Variants in ENC1 observed in about 807,000 individuals in gnomAD.
The protein encoded by ENC1 is ectoderm-neural cortex protein 1.
ENC1 carries 19 observed loss-of-function variants against 40.9 expected under a neutral mutation model. The observed-to-expected ratio is 0.46, with a 90% CI of 0.32 to 0.68. The LOEUF (loss-of-function observed/expected upper bound fraction) is 0.68. Among genes scored for constraint, ENC1 ranks in the 30% least tolerant of loss-of-function variants. ENC1 has a pLI of 0.03. For synonymous variants in ENC1, 285 were observed against 291.1 expected (o/e 0.98, Z 0.21); for missense variants, 479 against 737.5 (o/e 0.65, Z 4.06).
intron 1 of ENC1, chr5:74,637,674 G>T (rs1436450386): frequency 6.6e-6 from 1 of 152,148 alleles, no homozygotes; most frequent in Non-Finnish European, 1.5e-5. Flanking sequence ...CACTAGGACT[G>T]TTCCTGTATA....
Position 74,635,031 on chromosome 5 carries a change from T to C in ENC1, c.1455A>G (p.Thr485=). 1 of 1,614,236 alleles carries C rather than the reference T, an allele frequency of 6.2e-7. No individual in the cohort carries two copies. The highest frequency in any genetic ancestry group is 8.5e-7 in the Non-Finnish European group (1 of 1,180,024). The change falls in exon 2 of 3, where the codon ACA becomes ACG. Residue 485 remains threonine (T), a synonymous_variant. Coordinates refer to ENST00000302351, the MANE Select transcript of ENC1 (RefSeq NM_003633.4). The surrounding 1 kb of genome is among the most constrained non-coding windows in gnomAD (Gnocchi z 5.5). ...TCTGGTTCCCCAGCACAGCTGCTGCTGTGTAACGCCAGGGCTGGGGACAGG... is the reference window on the plus strand; with the variant it reads ...TCTGGTTCCCCAGCACAGCTGCTGCCGTGTAACGCCAGGGCTGGGGACAGG... ...PATCPQPWRY[T]AAAVLGNQIF...
chr5:74,628,210 C>T lies in ENC1; in HGVS notation c.*1815G>A, dbSNP rs535115796. 5.4e-4 allele frequency: 83 copies of T among 152,796 alleles called. No homozygotes were observed. The highest frequency in any genetic ancestry group is 1.2e-3 in the South Asian group (6 of 4,826). 9.5% of individuals were successfully genotyped at this position (152,796 alleles called of 1,614,324 possible). A position where few individuals can be genotyped will look rare whatever the true frequency, so the allele number is the denominator to read the frequency against. ...CAGCTCATTTATTTAGGCCCAACTA[C>T]AGCCCACTCATTCATGGCATGGACG... On this transcript the variant is annotated 3_prime_UTR_variant, in exon 3 of 3. Coordinates refer to ENST00000302351, the MANE Select transcript of ENC1 (RefSeq NM_003633.4).
At chr5:74,631,833 A>G (rs901457109) in intron 2 of ENC1, among the ~76,000 whole-genome samples, 3 of 152,228 alleles carry the variant, frequency 2.0e-5, no homozygotes, top group Non-Finnish European at 4.4e-5. Flanking sequence ...AGTGAAGTCT[A>G]AAGATAACAA....
In ENC1 at chr5:74,635,724, T is replaced by A. The variant is rs1029742855; in HGVS notation, c.762A>T (p.Glu254Asp). ...IYLMENVAME[E>D]LITKQRKSKE... is the part of the protein sequence containing the mutation. ...TACTCTTTCTCTGCTTGGTGATGAG[T>A]TCCTCCATGGCCACATTCTCCATGA... The change falls in exon 2 of 3, where the codon GAA becomes GAT. Residue 254 changes from glutamate (E) to aspartate (D), a missense_variant. Glu to Asp is a conservative substitution (Grantham distance 45). Transcript: ENST00000302351. The surrounding 1 kb of genome is among the most constrained non-coding windows in gnomAD (Gnocchi z 5.5). 1.2e-6 allele frequency: 2 copies of A among 1,614,096 alleles called. No individual in the cohort carries two copies. Among genetic ancestry groups the A allele is most frequent in the Non-Finnish European group, 8.5e-7 (1 of 1,180,016 alleles).
chr5:74,633,734 C>T (rs1229380253), intron 2 of ENC1, among the ~76,000 whole-genome samples: 1 of 152,218 alleles, frequency 6.6e-6, no homozygotes, highest in African/African-American at 2.4e-5. Context: ...GGTGGCAGTG[C>T]AACACGATGC....
At position 74,635,232 on chromosome 5, in the gene ENC1, G is replaced by A; in HGVS notation, c.1254C>T (p.Asp418=). ...SVSLKQVEHY[D]PTINKWTMVA... is the part of the protein sequence containing the mutation. ...CCATGGTCCATTTGTTGATTGTGGG[G>A]TCATAATGTTCTACCTGCTTTAGAG... The change falls in exon 2 of 3, where the codon GAC becomes GAT. Residue 418 remains aspartate (D), a synonymous_variant. Transcript: ENST00000302351. The surrounding 1 kb of genome is among the most constrained non-coding windows in gnomAD (Gnocchi z 5.5). The A allele has an allele frequency of 6.2e-7, 1 of 1,614,204 alleles. No individual in the cohort carries two copies. The highest frequency in any genetic ancestry group is 8.5e-7 in the Non-Finnish European group (1 of 1,180,038).
rs200505536 is a variant in ENC1, at chr5:74,636,727, A to T, written c.-13-229T>A. The stretch of plus-strand genomic sequence containing the variant: ...GAGCTATTTGAACTCTGCACTGTTT[A>T]AAAAAAAAAAAAAAATCACTGCATA... On this transcript the variant is annotated intron_variant, in intron 1 of 2. Coordinates refer to ENST00000302351, the MANE Select transcript of ENC1 (RefSeq NM_003633.4). This position sits in a 1 kb window ranked among gnomAD's most constrained non-coding sequence, Gnocchi z 4.8. Among the ~76,000 whole-genome samples the T allele has an allele frequency of 5.6e-5, 2 of 35,972 alleles. No individual in the cohort carries two copies. Among genetic ancestry groups the T allele is most frequent in the Non-Finnish European group, 1.3e-4 (2 of 15,242 alleles). 23.6% of individuals were successfully genotyped at this position (35,972 alleles called of 152,430 possible).
In ENC1 at chr5:74,635,067, A is replaced by G; in HGVS notation, c.1419T>C (p.Thr473=). The G allele has an allele frequency of 1.9e-6, 3 of 1,613,974 alleles. No homozygotes were observed. Among genetic ancestry groups the G allele is most frequent in the Non-Finnish European group, 1.7e-6 (2 of 1,179,796 alleles). ...QCYDQCENRW[T]VPATCPQPWR... is the part of the protein sequence containing the mutation. ...AGGGCTGGGGACAGGTGGCCGGTAC[A>G]GTCCACCTGTTTTCACACTGATCGT... is the stretch of plus-strand genomic sequence containing the variant. Residue 473 remains threonine, a synonymous_variant, in exon 2 of 3, where the codon ACT becomes ACC. Transcript: ENST00000302351. The surrounding 1 kb of genome is among the most constrained non-coding windows in gnomAD (Gnocchi z 5.5).
intron 2 of ENC1, among the ~76,000 whole-genome samples, chr5:74,633,410 A>C (rs938869029): frequency 6.6e-6 from 1 of 152,230 alleles, no homozygotes; most frequent in Non-Finnish European, 1.5e-5. Context: ...TTAACTCTGA[A>C]AGGCCATAGT....
In ENC1 at chr5:74,635,813, G is replaced by A. The variant is rs752753665; in HGVS notation, c.673C>T (p.Arg225Cys). Residue 225 changes from arginine (R) to cysteine (C), a missense_variant, in exon 2 of 3, where the codon CGC (arginine) becomes TGC (cysteine). Transcript: ENST00000302351. The surrounding 1 kb of genome is among the most constrained non-coding windows in gnomAD (Gnocchi z 5.5). Reference protein sequence around the residue: ...INWISYDLKKRYCYLPELLQT... With the variant: ...INWISYDLKKCYCYLPELLQT... ...AACAGTTCTGGGAGGTAGCAATAGC[G>A]CTTCTTCAGGTCATAGCTGATCCAG... is the stretch of plus-strand genomic sequence containing the variant. The A allele has an allele frequency of 8.7e-6, 14 of 1,613,938 alleles. No homozygotes were observed. The highest frequency in any genetic ancestry group is 3.3e-5 in the South Asian group (3 of 91,080).
At chr5:74,638,184 C>T (rs564762251) in intron 1 of ENC1, among the ~76,000 whole-genome samples, 2 of 152,288 alleles carry the variant, frequency 1.3e-5, no homozygotes, top group South Asian at 4.1e-4. Context: ...TTTCCTTTAA[C>T]CATTCAGACA....
chr5:74,634,663 A>C, intron 2 of ENC1, 21 bp downstream of exon 2: 1 of 1,196,430 alleles, frequency 8.4e-7, no homozygotes, highest in Non-Finnish European at 1.2e-6. Flanking sequence ...GCATACTTAC[A>C]TCTATAGCTA....
At chr5:74,638,137 C>T (rs1341283790) in intron 1 of ENC1, among the ~76,000 whole-genome samples, 1 of 152,214 alleles carries the variant, frequency 6.6e-6, no homozygotes, top group East Asian at 1.9e-4. Flanking sequence ...GTTCCAGACA[C>T]ATAACAGCCA....
intron 2 of ENC1, 81 bp downstream of exon 2, chr5:74,634,603 G>A: frequency 1.4e-6 from 1 of 690,030 alleles, no homozygotes; most frequent in Non-Finnish European, 2.5e-6. Flanking sequence ...CAGTCTCTGT[G>A]GATCAGATCT....
In ENC1 at chr5:74,635,390, C is replaced by T. The variant is rs546313916; in HGVS notation, c.1096G>A (p.Glu366Lys). The T allele has an allele frequency of 1.2e-6, 2 of 1,614,156 alleles. No individual in the cohort carries two copies. Among genetic ancestry groups the T allele is most frequent in the South Asian group, 1.1e-5 (1 of 91,082 alleles). ...KDVWVYDTLH[E>K]EWSKAAPMLV... ...ATGGGGGCAGCCTTGGACCACTCCT[C>T]GTGCAGGGTATCATAAACCCAGACA... Residue 366 changes from glutamate (E) to lysine (K), a missense_variant, in exon 2 of 3, where the codon GAG becomes AAG. Physicochemically the swap from Glu to Lys is moderately conservative, Grantham distance 56 (BLOSUM62 1). Coordinates refer to ENST00000302351, the MANE Select transcript of ENC1 (RefSeq NM_003633.4). The surrounding 1 kb of genome is among the most constrained non-coding windows in gnomAD (Gnocchi z 5.5).
chr5:74,636,580 C>CA lies in ENC1; in HGVS notation c.-13-83dup. The stretch of plus-strand genomic sequence containing the variant: ...GAACGAAAGCAACAATGGTTTTGCA[C>CA]AAAAAACAGAACACTTTGTTGTTGA... On this transcript the variant is annotated intron_variant, in intron 1 of 2. Coordinates refer to ENST00000302351, the MANE Select transcript of ENC1 (RefSeq NM_003633.4). This position sits in a 1 kb window ranked among gnomAD's most constrained non-coding sequence, Gnocchi z 4.8. 5.1e-6 allele frequency: 4 copies of CA among 791,614 alleles called. No individual in the cohort carries two copies. The highest frequency in any genetic ancestry group is 2.7e-5 in the East Asian group (1 of 37,106). The allele number at this position is 791,614 out of a possible 1,614,324, so 49.0% of individuals were successfully genotyped here.
Position 74,634,811 on chromosome 5 carries a change from C to T in ENC1, c.1675G>A (p.Asp559Asn). The T allele has an allele frequency of 6.2e-7, 1 of 1,614,034 alleles. No homozygotes were observed. Among genetic ancestry groups the T allele is most frequent in the Non-Finnish European group, 8.5e-7 (1 of 1,179,908 alleles). ...CTGTTCCACACGTCTAATGTTGGAT[C>T]GTAGCAGTCCAAAGTCTTGCATCGC... ...IQRCKTLDCY[D>N]PTLDVWNSIT... The change falls in exon 2 of 3, where the codon GAT becomes AAT. Residue 559 changes from aspartate (D) to asparagine (N), a missense_variant. By Grantham distance (23) the Asp-to-Asn change is conservative. Coordinates refer to ENST00000302351, the MANE Select transcript of ENC1 (RefSeq NM_003633.4).
At position 74,630,210 on chromosome 5, in the gene ENC1, G is replaced by A. The variant is rs899785967; in HGVS notation, c.*33-218C>T. ...GCCTTAAATGCACACACGTGTGCAC[G>A]TACACATCCATGCAGATGGCTGGCC... On this transcript the variant is annotated intron_variant, in intron 2 of 2. Transcript: ENST00000302351. 1.1e-4 allele frequency among the ~76,000 whole-genome samples: 16 copies of A among 152,232 alleles called. 1 individual carries two copies. The highest frequency in any genetic ancestry group is 3.4e-3 in the Middle Eastern group (1 of 294).
In ENC1 at chr5:74,636,620, A is replaced by G. The variant is rs1381773170; in HGVS notation, c.-13-122T>C. 1 of 627,032 alleles carries G rather than the reference A, an allele frequency of 1.6e-6. No homozygotes were observed. Among genetic ancestry groups the G allele is most frequent in the African/African-American group, 1.8e-5 (1 of 54,398 alleles). The allele number at this position is 627,032 out of a possible 1,614,324, so 38.8% of individuals were successfully genotyped here. On this transcript the variant is annotated intron_variant, in intron 1 of 2. Transcript: ENST00000302351. This position sits in a 1 kb window ranked among gnomAD's most constrained non-coding sequence, Gnocchi z 4.8. ...TTTGTTGTTGACCATGCCACCTACT[A>G]TTCTAGAATAGTGTATGGCCATTCC... is the stretch of plus-strand genomic sequence containing the variant.
Sources: gnomAD v4.1 joint callset for allele counts (sites outside exome capture counted in the v4.1 genomes callset) on GRCh38, gnomAD v4.1.1 for gene constraint, Gnocchi (gnomAD v3.1) non-coding constraint, MANE v1.5 for transcripts, NCBI Gene and HGNC (gene_info 2026-07-23, HGNC 2026-07-21) for gene names.